ARHGAP10: variants seen among roughly 807,000 people sequenced by gnomAD.
ARHGAP10 encodes the protein rho GTPase-activating protein 10.
Under a neutral mutation model 108.6 loss-of-function variants are expected in ARHGAP10, and 87 were observed. The observed-to-expected ratio is 0.80, with a 90% CI of 0.67 to 0.96. ARHGAP10 has a LOEUF of 0.96. Ranked by LOEUF, ARHGAP10 falls within the 40% of genes least tolerant of loss-of-function variation. ARHGAP10 has a pLI of 0.00. For missense variants in ARHGAP10, 939 were observed against 954.5 expected, an observed-to-expected ratio of 0.98 and a Z score of 0.21; for synonymous variants, 347 against 341.1, an observed-to-expected ratio of 1.02 and a Z score of -0.19.
At chr4:148,055,381 A>C (rs747266289) in intron 20 of ARHGAP10, among the ~76,000 whole-genome samples, 1 of 151,742 alleles carries the variant, frequency 6.6e-6, no homozygotes, top group African/African-American at 2.4e-5. Flanking sequence ...CTGACCGCCT[A>C]CCTCCTGCAA....
chr4:147,739,984 C>T (rs987190155), intron 1 of ARHGAP10, among the ~76,000 whole-genome samples: 3 of 150,984 alleles, frequency 2.0e-5, no homozygotes, highest in Non-Finnish European at 4.4e-5. Context: ...GATCCAGCTG[C>T]CTCGGCCTCC....
rs1429953981 is a variant in ARHGAP10, at chr4:147,798,722, ACACTCTCTCTCTCTCT to A, written c.155-24003_155-23988del. ...CATTACGTGAGGTCAGGAGTTTGAG[ACACTCTCTCTCTCTCT>A]CTCTCTCTCTCTCTCTCTCTCTCTC... On this transcript the variant is annotated intron_variant, in intron 1 of 22. Coordinates refer to ENST00000336498, the MANE Select transcript of ARHGAP10 (RefSeq NM_024605.4). 1.5e-3 allele frequency among the ~76,000 whole-genome samples: 161 copies of A among 107,402 alleles called. 14 individuals are homozygous for A. The highest frequency in any genetic ancestry group is 7.7e-3 in the African/African-American group (145 of 18,748). 70.5% of individuals were successfully genotyped at this position (107,402 alleles called of 152,430 possible).
At chr4:147,942,307 A>ACG in intron 14 of ARHGAP10, among the ~76,000 whole-genome samples, 2 of 152,164 alleles carry the variant, frequency 1.3e-5, no homozygotes, top group Admixed American at 1.3e-4. Flanking sequence ...TTTTTTGAGG[A>ACG]GAGCTGCCAT....
intron 20 of ARHGAP10, among the ~76,000 whole-genome samples, chr4:148,054,254 C>T (rs966990822): frequency 3.3e-5 from 5 of 152,214 alleles, no homozygotes; most frequent in African/African-American, 4.8e-5. Context: ...CTTGCATCCA[C>T]GTTCTTTTTC....
chr4:148,028,327 C>G (rs969744535), intron 19 of ARHGAP10, among the ~76,000 whole-genome samples: 2 of 152,042 alleles, frequency 1.3e-5, no homozygotes, highest in African/African-American at 4.8e-5. Context: ...AGACTTAGAC[C>G]CAGGAGAGAC....
chr4:148,034,220 T>G (rs1382242444), intron 19 of ARHGAP10, among the ~76,000 whole-genome samples: 2 of 152,248 alleles, frequency 1.3e-5, no homozygotes, highest in Non-Finnish European at 2.9e-5. Flanking sequence ...TCATGTTTGG[T>G]ATGCTTTCAA....
chr4:147,781,681 C>CTTTTTTTTTTTTTT (rs56781517), intron 1 of ARHGAP10, among the ~76,000 whole-genome samples: 1 of 130,586 alleles, frequency 7.7e-6, no homozygotes, highest in African/African-American at 2.9e-5. Flanking sequence ...CTTTTCTTTT[C>CTTTTTTTTTTTTTT]TTTTTTTTTT....
chr4:147,857,226 C>G (rs1383822646), intron 4 of ARHGAP10, among the ~76,000 whole-genome samples: 1 of 152,060 alleles, frequency 6.6e-6, no homozygotes. Context: ...TGTTATTTTT[C>G]TTACGTATTT....
chr4:147,856,397 A>G (rs1734082564), intron 4 of ARHGAP10, among the ~76,000 whole-genome samples: 1 of 152,208 alleles, frequency 6.6e-6, no homozygotes, highest in Non-Finnish European at 1.5e-5. Flanking sequence ...GGGAAAGTAG[A>G]TGACATTTCT....
chr4:148,001,665 C>A (rs1476285531), intron 18 of ARHGAP10, among the ~76,000 whole-genome samples: 1 of 151,080 alleles, frequency 6.6e-6, no homozygotes, highest in Non-Finnish European at 1.5e-5. Flanking sequence ...ATTTTATTCT[C>A]TTTGAAGCAA....
At chr4:147,886,358 C>A (rs980851225) in intron 10 of ARHGAP10, among the ~76,000 whole-genome samples, 1 of 152,182 alleles carries the variant, frequency 6.6e-6, no homozygotes, top group Non-Finnish European at 1.5e-5. Context: ...TACCGTACCT[C>A]AGCCATTCTC....
At chr4:147,964,066 C>G (rs1172652100) in intron 16 of ARHGAP10, among the ~76,000 whole-genome samples, 1 of 152,162 alleles carries the variant, frequency 6.6e-6, no homozygotes, top group Non-Finnish European at 1.5e-5. Flanking sequence ...CCTCACTGAC[C>G]CGAGGAAACT....
chr4:148,002,896 T>G (rs892968872), intron 18 of ARHGAP10, among the ~76,000 whole-genome samples: 20 of 152,198 alleles, frequency 1.3e-4, no homozygotes, highest in Non-Finnish European at 2.9e-4. Flanking sequence ...TTGAAGGGTT[T>G]TTTGTGTCTC....
chr4:147,896,594 T>C (rs1341120747), intron 10 of ARHGAP10, among the ~76,000 whole-genome samples: 1 of 152,172 alleles, frequency 6.6e-6, no homozygotes, highest in Non-Finnish European at 1.5e-5. Flanking sequence ...TTTATCAATT[T>C]TGTTAATATT....
chr4:147,911,643 T>A (rs905372268), intron 12 of ARHGAP10, among the ~76,000 whole-genome samples: 3 of 148,606 alleles, frequency 2.0e-5, no homozygotes, highest in Admixed American at 6.6e-5. Context: ...ATTACAGGCG[T>A]GAGCCACCGC....
At chr4:148,065,375 A>G (rs1241008215) in intron 22 of ARHGAP10, 1 of 152,222 alleles carries the variant, frequency 6.6e-6, no homozygotes, top group African/African-American at 2.4e-5. Context: ...ATTGTTTTTT[A>G]GAAAGCAAGT....
intron 15 of ARHGAP10, 121 bp downstream of exon 15, chr4:147,946,825 A>G: frequency 1.4e-6 from 1 of 701,878 alleles, no homozygotes; most frequent in Non-Finnish European, 2.1e-6. Context: ...AAAAGGGAAA[A>G]TTTATCAGGT....
chr4:147,780,173 T>C (rs1372909629), intron 1 of ARHGAP10, among the ~76,000 whole-genome samples: 2 of 152,198 alleles, frequency 1.3e-5, no homozygotes, highest in Non-Finnish European at 2.9e-5. Context: ...GAGCTACCCA[T>C]AAATTACTCC....
At chr4:148,006,035 T>G (rs1740933657) in intron 18 of ARHGAP10, among the ~76,000 whole-genome samples, 1 of 152,156 alleles carries the variant, frequency 6.6e-6, no homozygotes, top group African/African-American at 2.4e-5. Flanking sequence ...TAAACCTGAG[T>G]AGAACTCGAG....
Sources: gnomAD v4.1 joint callset for allele counts (sites outside exome capture counted in the v4.1 genomes callset) on GRCh38, gnomAD v4.1.1 for gene constraint, MANE v1.5 for transcripts, NCBI Gene and HGNC (gene_info 2026-07-23, HGNC 2026-07-21) for gene names.